AP4E1: variants seen among roughly 807,000 people sequenced by gnomAD.
AP4E1 encodes the protein adaptor related protein complex 4 subunit epsilon 1, also known as AP-4 complex subunit epsilon-1.
Under a neutral mutation model 128.2 loss-of-function variants are expected in AP4E1, and 56 were observed. The observed-to-expected ratio is 0.44, with a 90% CI of 0.35 to 0.55. The LOEUF is 0.55. AP4E1 is among the 20% of genes least tolerant of loss of function. The pLI is 0.00. For missense variants in AP4E1, 1,324 were observed against 1,307.7 expected (o/e 1.01, Z -0.19); for synonymous variants, 484 against 473.1 (o/e 1.02, Z -0.30).
In AP4E1 at chr15:50,958,734, T is replaced by C. The variant is rs1461292647; in HGVS notation, c.1791T>C (p.His597=). The C allele has an allele frequency of 6.2e-7, 1 of 1,612,070 alleles. No individual in the cohort carries two copies. The highest frequency in any genetic ancestry group is 8.5e-7 in the Non-Finnish European group (1 of 1,178,270). Residue 597 remains histidine, a synonymous_variant, in exon 14 of 21, where the codon CAT becomes CAC. Transcript: ENST00000261842. Reference sequence around the variant, plus strand: ...ATGCATTTGAATTAAAACATTTGCATGAGAATGTGGAACTTATGAAGAGCT... The same window carrying C: ...ATGCATTTGAATTAAAACATTTGCACGAGAATGTGGAACTTATGAAGAGCT... ...RQHAFELKHL[H]ENVELMKSLL...
Position 51,001,044 on chromosome 15 carries a change from T to G in AP4E1, c.3114T>G (p.Ser1038Arg). 6.2e-7 allele frequency: 1 copy of G among 1,612,658 alleles called. No individual in the cohort carries two copies. Among genetic ancestry groups the G allele is most frequent in the Non-Finnish European group, 8.5e-7 (1 of 1,179,018 alleles). Residue 1038 changes from serine to arginine, a missense_variant, in exon 20 of 21, where the codon AGT becomes AGG. Ser to Arg is a moderately radical substitution (Grantham distance 110). Transcript: ENST00000261842. ...TTTTCAGACCATTAAAAATCTCAAG[T>G]GACGACTTTGGGAAACTCTGGTTAT... is the stretch of plus-strand genomic sequence containing the variant. ...LDFIRPLKISSDDFGKLWLSF... is the reference protein window; with the variant it reads ...LDFIRPLKISRDDFGKLWLSF...
intron 15 of AP4E1, among the ~76,000 whole-genome samples, chr15:50,972,752 C>T (rs912623574): frequency 1.6e-4 from 25 of 152,148 alleles, no homozygotes; most frequent in Non-Finnish European, 4.4e-5. Flanking sequence ...GCCTAGCCAG[C>T]CTGAGGACAT....
At position 50,908,879 on chromosome 15, in the gene AP4E1, C is replaced by G; in HGVS notation, c.101C>G (p.Ser34Trp). 6.2e-7 allele frequency: 1 copy of G among 1,610,252 alleles called. No individual in the cohort carries two copies. Among genetic ancestry groups the G allele is most frequent in the East Asian group, 2.2e-5 (1 of 44,798 alleles). ...GPAAAKASFS[S>W]RLGSLVRGIT... ...GCGGCCGCCAAGGCGTCCTTCTCCT[C>G]GAGGCTGGGCAGCCTTGTCCGCGGC... The change falls in exon 1 of 21, where the codon TCG (serine) becomes TGG (tryptophan). Residue 34 changes from serine to tryptophan, a missense_variant. Physicochemically the swap from Ser to Trp is radical, Grantham distance 177 (BLOSUM62 -3). Coordinates refer to ENST00000261842, the MANE Select transcript of AP4E1 (RefSeq NM_007347.5).
intron 19 of AP4E1, among the ~76,000 whole-genome samples, chr15:50,999,767 AT>A (rs1255403559): frequency 6.6e-6 from 1 of 152,000 alleles, no homozygotes; most frequent in East Asian, 1.9e-4. Context: ...TTAGTTACAT[AT>A]GTATACATGT....
chr15:50,929,732 A>G (rs2063809189), intron 6 of AP4E1, among the ~76,000 whole-genome samples: 1 of 152,190 alleles, frequency 6.6e-6, no homozygotes. Flanking sequence ...ATAACAAAAT[A>G]AAATATGCTA....
chr15:50,957,982 T>G (rs1294341785), intron 13 of AP4E1, among the ~76,000 whole-genome samples: 1 of 152,086 alleles, frequency 6.6e-6, no homozygotes, highest in East Asian at 1.9e-4. Context: ...AATAAGTGTT[T>G]CTTAAAGTCT....
At chr15:50,956,619 G>A (rs2140874620) in intron 13 of AP4E1, among the ~76,000 whole-genome samples, 1 of 152,232 alleles carries the variant, frequency 6.6e-6, no homozygotes, top group East Asian at 1.9e-4. Context: ...AAGTGAAAGG[G>A]GAAGCCCTTC....
intron 3 of AP4E1, among the ~76,000 whole-genome samples, chr15:50,920,586 GA>G (rs2063689310): frequency 6.6e-6 from 1 of 151,460 alleles, no homozygotes; most frequent in African/African-American, 2.4e-5. Flanking sequence ...TTTTGGTAGG[GA>G]CGGGGTTTCA....
At position 51,001,155 on chromosome 15, in the gene AP4E1, A is replaced by G; in HGVS notation, c.3225A>G (p.Lys1075=). 1.2e-6 allele frequency: 2 copies of G among 1,613,640 alleles called. No individual in the cohort carries two copies. The highest frequency in any genetic ancestry group is 2.2e-5 in the South Asian group (2 of 91,038). The change falls in exon 20 of 21, where the codon AAA becomes AAG. Residue 1075 remains lysine (K), a synonymous_variant. Coordinates refer to ENST00000261842, the MANE Select transcript of AP4E1 (RefSeq NM_007347.5). ...LPSALKTLQQ[K]LRLHIIEIIG... ...CTGCACTAAAGACTCTGCAACAGAA[A>G]CTAAGACTCCATATTATTGAGATTA... is the stretch of plus-strand genomic sequence containing the variant.
At chr15:50,909,096 C>G (rs954503761) in intron 1 of AP4E1, among the ~76,000 whole-genome samples, 168 bp downstream of exon 1, 1 of 152,244 alleles carries the variant, frequency 6.6e-6, no homozygotes, top group African/African-American at 2.4e-5. Context: ...CTTCACTTTC[C>G]TGCTGGGACT....
intron 13 of AP4E1, 84 bp downstream of exon 13, chr15:50,950,253 C>A (rs754436457): frequency 1.0e-6 from 1 of 962,472 alleles, no homozygotes; most frequent in Non-Finnish European, 1.6e-6. Context: ...AGAAACCATT[C>A]GCTTTACTCA....
Position 50,908,919 on chromosome 15 carries a change from C to T in AP4E1, c.141C>T (p.Thr47=). 6.2e-7 allele frequency: 1 copy of T among 1,611,044 alleles called. No homozygotes were observed. The highest frequency in any genetic ancestry group is 8.5e-7 in the Non-Finnish European group (1 of 1,179,474). ...TTGTCCGCGGCATCACAGCCCTCACCTCCAAGCACGTAGGTGCCCGCCGGC... is the reference window on the plus strand; with the variant it reads ...TTGTCCGCGGCATCACAGCCCTCACTTCCAAGCACGTAGGTGCCCGCCGGC... ...GSLVRGITAL[T]SKHEEEKLIQ... is the part of the protein sequence containing the mutation. Residue 47 remains threonine, a synonymous_variant, in exon 1 of 21, where the codon ACC becomes ACT. Transcript: ENST00000261842.
intron 13 of AP4E1, among the ~76,000 whole-genome samples, chr15:50,955,787 T>TC (rs2064215276): frequency 6.6e-6 from 1 of 152,144 alleles, no homozygotes. Context: ...AAGTCCTGAC[T>TC]CCCCACTCAG....
intron 13 of AP4E1, 132 bp from the exon 14 acceptor site, chr15:50,958,360 A>G: frequency 1.4e-6 from 1 of 740,462 alleles, no homozygotes; most frequent in Admixed American, 3.0e-5. Flanking sequence ...ATCTTTAATA[A>G]TTTTTTCACC....
At chr15:51,002,220 A>G (rs2064972358) in intron 20 of AP4E1, among the ~76,000 whole-genome samples, 1 of 152,150 alleles carries the variant, frequency 6.6e-6, no homozygotes, top group East Asian at 1.9e-4. Flanking sequence ...TCATTTTCAC[A>G]GCAACTGCAC....
rs537659178 is a variant in AP4E1 at position 50,973,161 on chromosome 15, T to C, written c.1966+4784T>C. Reference sequence around the variant, plus strand: ...ATATTATCTGTTTATGAGTTCAGAATGTCAATACTGAAAAATTCAGTGCTG... The same window carrying C: ...ATATTATCTGTTTATGAGTTCAGAACGTCAATACTGAAAAATTCAGTGCTG... On this transcript the variant is annotated intron_variant, in intron 15 of 20. Coordinates refer to ENST00000261842, the MANE Select transcript of AP4E1 (RefSeq NM_007347.5). 3.0e-4 allele frequency among the ~76,000 whole-genome samples: 46 copies of C among 152,346 alleles called. 1 individual carries two copies. The South Asian group carries it at 9.5e-3, about 32-fold the overall frequency.
Position 50,997,594 on chromosome 15 carries a change from T to G in AP4E1, c.2615T>G (p.Leu872Arg). Residue 872 changes from leucine to arginine, a missense_variant, in exon 18 of 21, where the codon CTG (leucine) becomes CGG (arginine). Transcript: ENST00000261842. The stretch of plus-strand genomic sequence containing the variant: ...GTTGAGAAATTCTCATATTGTAGTC[T>G]GTCTACACCTTCATTGTTTGCTAAT... ...PLVEKFSYCSLSTPSLFANNN... is the reference protein window; with the variant it reads ...PLVEKFSYCSRSTPSLFANNN... The G allele has an allele frequency of 6.2e-7, 1 of 1,614,100 alleles. No homozygotes were observed. The highest frequency in any genetic ancestry group is 1.7e-4 in the Middle Eastern group (1 of 6,058).
chr15:50,949,788 G>A (rs781107916), intron 11 of AP4E1, 38 bp from the exon 12 acceptor site: 2 of 1,439,156 alleles, frequency 1.4e-6, no homozygotes, highest in East Asian at 2.3e-5. Flanking sequence ...TTAATAAGTA[G>A]CATTTGGAAG....
In AP4E1 at chr15:50,997,535, T is replaced by G. The variant is rs1325301766; in HGVS notation, c.2556T>G (p.Leu852=). 6.2e-7 allele frequency: 1 copy of G among 1,613,950 alleles called. No homozygotes were observed. The highest frequency in any genetic ancestry group is 1.3e-5 in the African/African-American group (1 of 74,928). Residue 852 remains leucine, a synonymous_variant, in exon 18 of 21, where the codon CTT becomes CTG. Coordinates refer to ENST00000261842, the MANE Select transcript of AP4E1 (RefSeq NM_007347.5). The part of the protein sequence containing the change: ...ELKKFSLTSE[L]LDSESLTELP... ...AGAAATTTTCTCTCACTTCAGAACT[T>G]TTGGATTCTGAGTCACTCACAGAAC...
Sources: gnomAD v4.1 joint callset for allele counts (sites outside exome capture counted in the v4.1 genomes callset) on GRCh38, gnomAD v4.1.1 for gene constraint, MANE v1.5 for transcripts, NCBI Gene and HGNC (gene_info 2026-07-23, HGNC 2026-07-21) for gene names.